The following LMOD3 variants were observed in gnomAD, a reference collection of about 807,000 sequenced individuals.
LMOD3 encodes leiomodin-3.
A neutral mutation model predicts 41.8 loss-of-function variants in LMOD3; 31 were observed. The observed-to-expected ratio is 0.74, with a 90% confidence interval of 0.56 to 1.00. The LOEUF (loss-of-function observed/expected upper bound fraction) is 1.00, where lower values mean the gene tolerates loss of function less well. Ranked by LOEUF, LMOD3 falls within the 50% of genes least tolerant of loss-of-function variation. LMOD3 has a pLI of 0.00. For missense variants in LMOD3, 755 were observed against 679.5 expected (o/e 1.11, Z -1.23); for synonymous variants, 292 against 241.9 (o/e 1.21, Z -1.92).
chr3:69,117,158 C>G (rs2092378418), intron 2 of LMOD3, among the ~76,000 whole-genome samples: 1 of 152,192 alleles, frequency 6.6e-6, no homozygotes, highest in Non-Finnish European at 1.5e-5. Context: ...GAACCATTGT[C>G]TGACCTCATG....
intron 2 of LMOD3, among the ~76,000 whole-genome samples, chr3:69,116,437 G>A (rs1277547830): frequency 6.6e-6 from 1 of 152,140 alleles, no homozygotes; most frequent in East Asian, 1.9e-4. Context: ...CATTCAAAAA[G>A]CATGTCAGAG....
intron 2 of LMOD3, among the ~76,000 whole-genome samples, chr3:69,116,843 C>T (rs901720627): frequency 3.3e-5 from 5 of 152,226 alleles, no homozygotes; most frequent in South Asian, 4.1e-4. Context: ...CAGCAGAGCA[C>T]TCAGAAGTCA....
chr3:69,106,229 G>A lies in LMOD3; in HGVS notation c.*2866C>T, dbSNP rs1459755392. The stretch of plus-strand genomic sequence containing the variant: ...AGCCAGAATAAAACAATTCCAGTGG[G>A]ATCCTATTTTTAAACCTGGCACGAG... On this transcript the variant is annotated 3_prime_UTR_variant, in exon 3 of 3. Transcript: ENST00000420581. Among the ~76,000 whole-genome samples, 1 of 152,040 alleles carries A rather than the reference G, an allele frequency of 6.6e-6. No homozygotes were observed. Among genetic ancestry groups the A allele is most frequent in the Admixed American group, 6.6e-5 (1 of 15,250 alleles).
Position 69,107,903 on chromosome 3 carries a change from G to A in LMOD3, c.*1192C>T, listed in dbSNP as rs1309362385. On this transcript the variant is annotated 3_prime_UTR_variant, in exon 3 of 3. Coordinates refer to ENST00000420581, the MANE Select transcript of LMOD3 (RefSeq NM_198271.5). ...TAGGAACTTGGAAGAAGGACAGATTGGAGTTGTCTGGAAAATTTTTTATGG... is the reference window on the plus strand; with the variant it reads ...TAGGAACTTGGAAGAAGGACAGATTAGAGTTGTCTGGAAAATTTTTTATGG... 4 of 152,170 alleles carry A rather than the reference G, an allele frequency of 2.6e-5. No individual in the cohort carries two copies. The highest frequency in any genetic ancestry group is 5.9e-5 in the Non-Finnish European group (4 of 68,052). The allele number at this position is 152,170 out of a possible 1,614,324, so 9.4% of individuals were successfully genotyped here.
rs111797345 is a variant in LMOD3 at position 69,119,477 on chromosome 3, C to T, written c.878G>A (p.Gly293Asp). Residue 293 changes from glycine (G) to aspartate (D), a missense_variant, in exon 2 of 3, where the codon GGT becomes GAT. By Grantham distance (94) the Gly-to-Asp change is moderately conservative. Coordinates refer to ENST00000420581, the MANE Select transcript of LMOD3 (RefSeq NM_198271.5). The part of the protein sequence containing the change: ...HIKTFSLANV[G>D]ADENVAFALA... ...GGCAAATGCTACATTCTCATCTGCACCCACATTGGCTAAACTGAATGTTTT... is the reference window on the plus strand; with the variant it reads ...GGCAAATGCTACATTCTCATCTGCATCCACATTGGCTAAACTGAATGTTTT... The T allele has an allele frequency of 0.019, 29,875 of 1,613,904 alleles. 403 individuals are homozygous for T. The highest frequency in any genetic ancestry group is 0.019 in the Non-Finnish European group (22,572 of 1,179,850).
Position 69,106,693 on chromosome 3 carries a change from A to G in LMOD3, c.*2402T>C, listed in dbSNP as rs1371837848. Reference sequence around the variant, plus strand: ...AACAAATGCATAGGGGCTTTCTAGAATTTTTTTTTTTTTTTTGAGATGAGG... The same window carrying G: ...AACAAATGCATAGGGGCTTTCTAGAGTTTTTTTTTTTTTTTTGAGATGAGG... On this transcript the variant is annotated 3_prime_UTR_variant, in exon 3 of 3. Transcript: ENST00000420581. 7.3e-6 allele frequency among the ~76,000 whole-genome samples: 1 copy of G among 137,718 alleles called. No individual in the cohort carries two copies. Among genetic ancestry groups the G allele is most frequent in the Admixed American group, 7.2e-5 (1 of 13,810 alleles). 90.3% of individuals were successfully genotyped at this position (137,718 alleles called of 152,430 possible).
chr3:69,120,067 G>A lies in LMOD3; in HGVS notation c.295-7C>T. The A allele has an allele frequency of 6.3e-7, 1 of 1,589,046 alleles. No homozygotes were observed. The highest frequency in any genetic ancestry group is 8.5e-7 in the Non-Finnish European group (1 of 1,173,338). On this transcript the variant is annotated splice_region_variant and splice_polypyrimidine_tract_variant and intron_variant, in intron 1 of 2. Transcript: ENST00000420581. ...GCTCTTCTTGAGTCTTTTCCTACAA[G>A]AGAGGTTTATGAGGGTTAGAATACA...
intron 2 of LMOD3, among the ~76,000 whole-genome samples, chr3:69,116,612 T>C (rs1007403015): frequency 7.9e-5 from 12 of 152,230 alleles, no homozygotes; most frequent in African/African-American, 2.9e-4. Context: ...TTAATGTCTT[T>C]TGTCCTAGAC....
At chr3:69,116,450 C>T (rs188783210) in intron 2 of LMOD3, among the ~76,000 whole-genome samples, 1 of 152,302 alleles carries the variant, frequency 6.6e-6, no homozygotes, top group East Asian at 1.9e-4. Flanking sequence ...TGTCAGAGTT[C>T]ACTTTGCGGC....
At chr3:69,110,853 A>AAAAAAAAAAAAAATATATAT (rs1458630453) in intron 2 of LMOD3, among the ~76,000 whole-genome samples, 2 of 104,168 alleles carry the variant, frequency 1.9e-5, no homozygotes, top group African/African-American at 9.6e-5. Context: ...AAAAAAAAAA[A>AAAAAAAAAAAAAATATATAT]ATATATATAT....
intron 1 of LMOD3, among the ~76,000 whole-genome samples, chr3:69,120,941 G>A (rs1373799529): frequency 6.6e-6 from 1 of 152,122 alleles, no homozygotes; most frequent in Non-Finnish European, 1.5e-5. Context: ...TTGAAAGCCA[G>A]TATAGCAAGT....
At chr3:69,122,050 T>A in intron 1 of LMOD3, 43 bp downstream of exon 1, 1 of 1,535,998 alleles carries the variant, frequency 6.5e-7, no homozygotes, top group Non-Finnish European at 8.9e-7. Flanking sequence ...TAACAGCCCA[T>A]CCCAGGCAGC....
chr3:69,122,152 T>G lies in LMOD3; in HGVS notation c.235A>C (p.Lys79Gln). 6.2e-7 allele frequency: 1 copy of G among 1,612,952 alleles called. No individual in the cohort carries two copies. The highest frequency in any genetic ancestry group is 8.5e-7 in the Non-Finnish European group (1 of 1,179,500). ...KSLVDYMYWE[K>Q]ASRRMLEEER... The stretch of plus-strand genomic sequence containing the variant: ...TCTTCCAGCATGCGCCTGGATGCCT[T>G]TTCCCAATACATATAATCAACAAGA... The change falls in exon 1 of 3, where the codon AAG becomes CAG. Residue 79 changes from lysine (K) to glutamine (Q), a missense_variant. Transcript: ENST00000420581.
At chr3:69,118,570 G>A in intron 2 of LMOD3, 129 bp downstream of exon 2, 1 of 1,018,852 alleles carries the variant, frequency 9.8e-7, no homozygotes. Flanking sequence ...TATTGGTAAT[G>A]CTCATTGGCT....
intron 2 of LMOD3, among the ~76,000 whole-genome samples, chr3:69,118,487 AG>A (rs2092387632): frequency 6.6e-6 from 1 of 152,112 alleles, no homozygotes. Context: ...TCGTTGTTAC[AG>A]AAGTCATATA....
chr3:69,108,760 G>A lies in LMOD3; in HGVS notation c.*335C>T. ...CTTCTGTTATATTTATTATTTACCA[G>A]AAGAAAACAATAATAAAGCAAATGT... is the stretch of plus-strand genomic sequence containing the variant. On this transcript the variant is annotated 3_prime_UTR_variant, in exon 3 of 3. Coordinates refer to ENST00000420581, the MANE Select transcript of LMOD3 (RefSeq NM_198271.5). 8.6e-6 allele frequency: 2 copies of A among 231,928 alleles called. No homozygotes were observed. The highest frequency in any genetic ancestry group is 1.7e-5 in the Non-Finnish European group (2 of 120,332). 14.4% of individuals were successfully genotyped at this position (231,928 alleles called of 1,614,324 possible).
At chr3:69,118,665 T>C (rs762680602) in intron 2 of LMOD3, 34 bp downstream of exon 2, 16 of 1,584,192 alleles carry the variant, frequency 1.0e-5, no homozygotes, top group Non-Finnish European at 1.4e-5. Context: ...CTATGGAGGG[T>C]GCTCAGTCAC....
Position 69,109,045 on chromosome 3 carries a change from C to G in LMOD3, c.*50G>C. 6.6e-7 allele frequency: 1 copy of G among 1,519,302 alleles called. No homozygotes were observed. Among genetic ancestry groups the G allele is most frequent in the Non-Finnish European group, 9.0e-7 (1 of 1,111,628 alleles). 94.1% of individuals were successfully genotyped at this position (1,519,302 alleles called of 1,614,324 possible). ...CTGACATAGTCTCCATGCTGTAATC[C>G]AAGAGTCACTATTTCCATTTCTTGT... On this transcript the variant is annotated 3_prime_UTR_variant, in exon 3 of 3. Coordinates refer to ENST00000420581, the MANE Select transcript of LMOD3 (RefSeq NM_198271.5).
intron 2 of LMOD3, among the ~76,000 whole-genome samples, chr3:69,112,198 T>C (rs2092353019): frequency 6.6e-6 from 1 of 152,040 alleles, no homozygotes; most frequent in Non-Finnish European, 1.5e-5. Context: ...GTATGTCTAG[T>C]GTGCTTGTGT....
Sources: allele counts gnomAD v4.1 joint callset (sites outside exome capture counted in the v4.1 genomes callset), GRCh38; gene constraint gnomAD v4.1.1; transcripts MANE v1.5; gene names NCBI Gene and HGNC (gene_info 2026-07-23, HGNC 2026-07-21).